The following GARNL3 variants were observed in gnomAD, a reference collection of about 807,000 sequenced individuals.
GARNL3 encodes GTPase-activating Rap/Ran-GAP domain-like protein 3.
In GARNL3, 63 loss-of-function variants were observed where a neutral mutation model predicts 125.0. The observed-to-expected ratio is 0.50, with a 90% CI of 0.41 to 0.62. The LOEUF is 0.62. Ranked by LOEUF, GARNL3 falls within the 20% of genes least tolerant of loss-of-function variation. The pLI, the probability that GARNL3 is intolerant of heterozygous loss-of-function variation, is 0.00. For missense variants in GARNL3, 994 were observed against 1,244.0 expected, an observed-to-expected ratio of 0.80 and a Z score of 3.02; for synonymous variants, 439 against 457.5, an observed-to-expected ratio of 0.96 and a Z score of 0.52.
intron 2 of GARNL3, among the ~76,000 whole-genome samples, chr9:127,303,599 T>A (rs1051646671): frequency 6.6e-6 from 1 of 152,240 alleles, no homozygotes; most frequent in Non-Finnish European, 1.5e-5. Flanking sequence ...CAGTTTAACC[T>A]AGGAACTGAA....
At chr9:127,283,801 T>C (rs1446313937) in intron 1 of GARNL3, among the ~76,000 whole-genome samples, 1 of 152,206 alleles carries the variant, frequency 6.6e-6, no homozygotes, top group African/African-American at 2.4e-5. Flanking sequence ...TAAGTCGTTT[T>C]GTTGTTGTTG....
chr9:127,387,173 T>C lies in GARNL3; in HGVS notation c.2389-20T>C. 6.2e-7 allele frequency: 1 copy of C among 1,606,698 alleles called. No individual in the cohort carries two copies. The highest frequency in any genetic ancestry group is 8.5e-7 in the Non-Finnish European group (1 of 1,175,646). ...CCTAGAACACCAGGCAGCCCGGTAA[T>C]GCTCTCTCTTCCTTTCTAGTCGGAT... On this transcript the variant is annotated intron_variant, in intron 24 of 27. Transcript: ENST00000373387.
intron 22 of GARNL3, among the ~76,000 whole-genome samples, chr9:127,378,127 G>A (rs2131793182): frequency 6.6e-6 from 1 of 151,572 alleles, no homozygotes; most frequent in East Asian, 2.0e-4. Context: ...TGTAATCCCA[G>A]CTACTCAGGA....
At chr9:127,325,249 G>A (rs757179489) in intron 7 of GARNL3, among the ~76,000 whole-genome samples, 154 bp downstream of exon 7, 9 of 152,186 alleles carry the variant, frequency 5.9e-5, no homozygotes, top group Admixed American at 2.0e-4. Flanking sequence ...TTACTGGCAT[G>A]TATTTTTAAG....
intron 24 of GARNL3, among the ~76,000 whole-genome samples, chr9:127,386,112 T>C (rs1462995137): frequency 6.6e-6 from 1 of 152,252 alleles, no homozygotes; most frequent in Non-Finnish European, 1.5e-5. Context: ...TTTGCTGAAC[T>C]CTTGTATCCA....
intron 22 of GARNL3, among the ~76,000 whole-genome samples, chr9:127,366,616 T>A (rs927241747): frequency 7.2e-5 from 11 of 152,240 alleles, no homozygotes; most frequent in Non-Finnish European, 5.9e-5. Context: ...GGATTTTTTT[T>A]ATCCTTTAAC....
chr9:127,377,124 G>A (rs1831959517), intron 22 of GARNL3, among the ~76,000 whole-genome samples: 1 of 152,152 alleles, frequency 6.6e-6, no homozygotes, highest in Non-Finnish European at 1.5e-5. Context: ...TTGTCATGAA[G>A]GATGATTATT....
intron 19 of GARNL3, among the ~76,000 whole-genome samples, chr9:127,355,084 C>T (rs748251273): frequency 6.6e-6 from 1 of 152,216 alleles, no homozygotes; most frequent in African/African-American, 2.4e-5. Flanking sequence ...TGAACCACCG[C>T]ACCCAGCTGG....
At chr9:127,344,417 G>T (rs760791479) in intron 15 of GARNL3, 78 bp downstream of exon 15, 10 of 925,580 alleles carry the variant, frequency 1.1e-5, no homozygotes, top group Non-Finnish European at 1.8e-6. Flanking sequence ...CATGTGCAAA[G>T]ACTTTGTTTG....
chr9:127,362,905 G>A (rs10987613), intron 21 of GARNL3: 42,849 of 152,180 alleles, frequency 0.28, 7,085 homozygotes, highest in Middle Eastern at 0.46. Context: ...TCTTACAAAC[G>A]AAGAAACTGA....
At chr9:127,236,456 A>G (rs982298499) in intron 1 of GARNL3, among the ~76,000 whole-genome samples, 2 of 152,214 alleles carry the variant, frequency 1.3e-5, no homozygotes, top group African/African-American at 4.8e-5. Flanking sequence ...TGCTGTTAGA[A>G]ATAGGGTCTC....
intron 22 of GARNL3, among the ~76,000 whole-genome samples, chr9:127,378,502 G>A (rs1369295778): frequency 2.0e-5 from 3 of 150,424 alleles, no homozygotes; most frequent in African/African-American, 2.4e-5. Flanking sequence ...CAGGAGAATC[G>A]CTTGAACCCA....
At chr9:127,369,980 A>T (rs1831518396) in intron 22 of GARNL3, among the ~76,000 whole-genome samples, 1 of 152,204 alleles carries the variant, frequency 6.6e-6, no homozygotes, top group Non-Finnish European at 1.5e-5. Context: ...CATCAGAGCC[A>T]CAGGCAGCCG....
intron 17 of GARNL3, among the ~76,000 whole-genome samples, chr9:127,352,040 T>C (rs999851097): frequency 1.3e-5 from 2 of 152,212 alleles, no homozygotes; most frequent in African/African-American, 4.8e-5. Context: ...AATGTATACC[T>C]CTGTTCCTAT....
At chr9:127,275,196 CT>C (rs1332354382) in intron 1 of GARNL3, among the ~76,000 whole-genome samples, 1 of 152,150 alleles carries the variant, frequency 6.6e-6, no homozygotes, top group Non-Finnish European at 1.5e-5. Context: ...TCATGCAGGC[CT>C]TCCCTCAAAA....
intron 2 of GARNL3, among the ~76,000 whole-genome samples, chr9:127,310,617 T>C (rs1379856538): frequency 5.3e-5 from 8 of 151,810 alleles, no homozygotes; most frequent in African/African-American, 1.9e-4. Context: ...CTACTAAAAA[T>C]ACAAAAATTA....
At chr9:127,238,851 G>A (rs1342259222) in intron 1 of GARNL3, among the ~76,000 whole-genome samples, 2 of 152,098 alleles carry the variant, frequency 1.3e-5, no homozygotes, top group Admixed American at 1.3e-4. Context: ...GTTCATCTTT[G>A]ACTAGAAGCA....
At chr9:127,241,938 T>G (rs533592464) in intron 1 of GARNL3, among the ~76,000 whole-genome samples, 1 of 103,062 alleles carries the variant, frequency 9.7e-6, no homozygotes, top group Non-Finnish European at 1.9e-5. Flanking sequence ...CGGCCTGGTT[T>G]GTTGTTGTTG....
At chr9:127,281,926 C>T (rs538541838) in intron 1 of GARNL3, among the ~76,000 whole-genome samples, 3 of 152,244 alleles carry the variant, frequency 2.0e-5, no homozygotes, top group Admixed American at 2.0e-4. Context: ...TTAAATAAAC[C>T]AGCTTATGTT....
Sources: gnomAD v4.1 joint callset for allele counts (sites outside exome capture counted in the v4.1 genomes callset) on GRCh38, gnomAD v4.1.1 for gene constraint, MANE v1.5 for transcripts, NCBI Gene and HGNC (gene_info 2026-07-23, HGNC 2026-07-21) for gene names.